Variants in BACH2 observed in about 807,000 individuals in gnomAD.
BACH2 encodes BACH transcriptional regulator 2.
A neutral mutation model predicts 61.8 loss-of-function variants in BACH2; 5 were observed. That is an observed-to-expected ratio of 0.08 (90% CI 0.04 to 0.17). The LOEUF (loss-of-function observed/expected upper bound fraction) is 0.17. Ranked by LOEUF, BACH2 falls within the 10% of genes least tolerant of loss-of-function variation. BACH2 has a pLI of 1.00. For synonymous variants in BACH2, 446 were observed against 440.1 expected, an observed-to-expected ratio of 1.01 and a Z score of -0.17; for missense variants, 824 against 1,091.1, an observed-to-expected ratio of 0.76 and a Z score of 3.45.
At chr6:90,288,496 T>C (rs2127891122) in intron 1 of BACH2, among the ~76,000 whole-genome samples, 1 of 152,278 alleles carries the variant, frequency 6.6e-6, no homozygotes, top group South Asian at 2.1e-4. Flanking sequence ...CTGAGAATGA[T>C]GCTTCTTGAC....
chr6:90,150,346 A>G (rs184646487), intron 4 of BACH2, among the ~76,000 whole-genome samples: 142 of 152,320 alleles, frequency 9.3e-4, no homozygotes, highest in Non-Finnish European at 1.6e-4. Context: ...ACCCTCCTCA[A>G]TGGAGCCTCA....
At chr6:90,193,958 G>A (rs1768664265) in intron 4 of BACH2, among the ~76,000 whole-genome samples, 3 of 152,052 alleles carry the variant, frequency 2.0e-5, no homozygotes, top group African/African-American at 4.8e-5. Flanking sequence ...CCTCCATAGG[G>A]TATAAATTTA....
At chr6:90,217,066 A>C (rs1769561948) in intron 3 of BACH2, among the ~76,000 whole-genome samples, 1 of 152,196 alleles carries the variant, frequency 6.6e-6, no homozygotes, top group Non-Finnish European at 1.5e-5. Flanking sequence ...AACAATTAAC[A>C]ACCATAAAAA....
chr6:90,174,076 T>A (rs1168029152), intron 4 of BACH2, among the ~76,000 whole-genome samples: 4 of 152,110 alleles, frequency 2.6e-5, no homozygotes, highest in Admixed American at 1.3e-4. Context: ...ATGTTCCTAA[T>A]AATGTATCTT....
intron 1 of BACH2, among the ~76,000 whole-genome samples, chr6:90,295,799 C>G (rs1772340475): frequency 6.6e-6 from 1 of 152,284 alleles, no homozygotes; most frequent in African/African-American, 2.4e-5. Flanking sequence ...CCCGATCTTT[C>G]GCTAGGAGAG....
chr6:90,158,871 CA>C (rs1785088331), intron 4 of BACH2, among the ~76,000 whole-genome samples: 2 of 151,904 alleles, frequency 1.3e-5, no homozygotes, highest in Non-Finnish European at 2.9e-5. Context: ...CAGAAATAAA[CA>C]ACACTGCCAC....
intron 7 of BACH2, among the ~76,000 whole-genome samples, chr6:89,944,232 C>T (rs1438958650): frequency 1.3e-5 from 2 of 152,158 alleles, no homozygotes; most frequent in Admixed American, 6.5e-5. Context: ...TAACGCCTGC[C>T]CTACTTAGCT....
chr6:89,987,543 G>A (rs955428235), intron 6 of BACH2, among the ~76,000 whole-genome samples: 6 of 152,174 alleles, frequency 3.9e-5, no homozygotes, highest in Non-Finnish European at 8.8e-5. Flanking sequence ...ACCATGTAAA[G>A]ATGAGATTAG....
intron 4 of BACH2, among the ~76,000 whole-genome samples, chr6:90,112,238 G>T (rs925595647): frequency 2.0e-5 from 3 of 151,906 alleles, no homozygotes; most frequent in Non-Finnish European, 2.9e-5. Context: ...TTTTTTGAGA[G>T]AATCATATAG....
intron 6 of BACH2, among the ~76,000 whole-genome samples, chr6:90,007,911 A>G (rs1777500807): frequency 6.6e-6 from 1 of 152,234 alleles, no homozygotes; most frequent in African/African-American, 2.4e-5. Flanking sequence ...ACCAAGAGGT[A>G]GTGTATATAT....
At chr6:90,244,384 A>C (rs2127866741) in intron 3 of BACH2, among the ~76,000 whole-genome samples, 1 of 152,346 alleles carries the variant, frequency 6.6e-6, no homozygotes, top group African/African-American at 2.4e-5. Context: ...AATTACTATT[A>C]CTGCTTCCAT....
intron 4 of BACH2, among the ~76,000 whole-genome samples, chr6:90,098,182 GGTTTTA>G (rs1243734114): frequency 2.0e-5 from 3 of 152,062 alleles, no homozygotes; most frequent in African/African-American, 7.2e-5. Context: ...TTCTAAACAG[GGTTTTA>G]AAGTCTTGGC....
At chr6:90,121,378 T>C (rs998402495) in intron 4 of BACH2, among the ~76,000 whole-genome samples, 2 of 152,328 alleles carry the variant, frequency 1.3e-5, no homozygotes, top group African/African-American at 2.4e-5. Flanking sequence ...TGGGAAGCTC[T>C]AGGTAGATAG....
chr6:89,944,198 G>C (rs1015646001), intron 7 of BACH2, among the ~76,000 whole-genome samples: 2 of 152,218 alleles, frequency 1.3e-5, no homozygotes, highest in African/African-American at 4.8e-5. Context: ...AAAGTTCTTG[G>C]AGGATCTAGG....
rs1399838039 is a variant in BACH2, at chr6:89,950,434, C to G, written c.1672G>C (p.Ala558Pro). The change falls in exon 7 of 9, where the codon GCC becomes CCC. Residue 558 changes from alanine to proline, a missense_variant. Around this residue, in one of 8 missense-constraint regions of BACH2, gnomAD observed 160 missense variants for 283.5 expected, o/e 0.56. Coordinates refer to ENST00000257749, the MANE Select transcript of BACH2 (RefSeq NM_021813.4). This position sits in a 1 kb window ranked among gnomAD's most constrained non-coding sequence, Gnocchi z 5.3. ...SPCSQGARFLATEHQEPGLMG... is the reference protein window; with the variant it reads ...SPCSQGARFLPTEHQEPGLMG... ...AGGCCTGGTTCCTGATGTTCTGTGG[C>G]AAGGAATCTGGCTCCCTGGGAACAG... is the stretch of plus-strand genomic sequence containing the variant. The G allele has an allele frequency of 6.2e-7, 1 of 1,614,108 alleles. No homozygotes were observed. The highest frequency in any genetic ancestry group is 1.1e-5 in the South Asian group (1 of 91,076).
intron 4 of BACH2, among the ~76,000 whole-genome samples, chr6:90,124,460 C>CA (rs1783765777): frequency 6.6e-6 from 1 of 152,182 alleles, no homozygotes; most frequent in African/African-American, 2.4e-5. Context: ...GCATTGACAA[C>CA]ACTAAGGAAA....
intron 4 of BACH2, among the ~76,000 whole-genome samples, chr6:90,141,452 A>C (rs1413084318): frequency 6.7e-6 from 1 of 148,956 alleles, no homozygotes; most frequent in Non-Finnish European, 1.5e-5. Flanking sequence ...AAGTGCTGGG[A>C]TTACAGGTGT....
intron 6 of BACH2, among the ~76,000 whole-genome samples, chr6:89,984,087 G>C (rs142155852): frequency 3.3e-5 from 5 of 152,070 alleles, no homozygotes; most frequent in Non-Finnish European, 5.9e-5. Context: ...TTCAAGGCTC[G>C]TTTAAATCAG....
At chr6:90,219,399 C>CA (rs1471479201) in intron 3 of BACH2, among the ~76,000 whole-genome samples, 2 of 152,192 alleles carry the variant, frequency 1.3e-5, no homozygotes, top group Admixed American at 6.5e-5. Context: ...TCCACACAAG[C>CA]AACTGCAAAG....
Sources: allele counts gnomAD v4.1 joint callset (sites outside exome capture counted in the v4.1 genomes callset), GRCh38; gene constraint gnomAD v4.1.1; regional missense constraint gnomAD v4.1.1; non-coding constraint Gnocchi (gnomAD v3.1); transcripts MANE v1.5; gene names NCBI Gene and HGNC (gene_info 2026-07-23, HGNC 2026-07-21).